Variants in ZHX3 observed in about 807,000 individuals in gnomAD.
ZHX3 encodes the protein zinc fingers and homeoboxes 3, also known as zinc fingers and homeoboxes protein 3.
Under a neutral mutation model 64.5 loss-of-function variants are expected in ZHX3, and 20 were observed. That is an observed-to-expected ratio of 0.31 (90% CI 0.22 to 0.45). The LOEUF is 0.45. Ranked by LOEUF, ZHX3 falls within the 20% of genes least tolerant of loss-of-function variation. The pLI is 1.00. For missense variants in ZHX3, 1,041 were observed against 1,195.8 expected (o/e 0.87, Z 1.91); for synonymous variants, 423 against 461.6 (o/e 0.92, Z 1.07).
intron 1 of ZHX3, chr20:41,272,059 A>G (rs2043172666): frequency 6.6e-6 from 1 of 152,238 alleles, no homozygotes; most frequent in African/African-American, 2.4e-5. Flanking sequence ...TTTTCAAATT[A>G]AATGAAGGAA....
chr20:41,244,504 C>T (rs905351284), intron 2 of ZHX3, among the ~76,000 whole-genome samples: 7 of 152,106 alleles, frequency 4.6e-5, no homozygotes, highest in African/African-American at 1.7e-4. Context: ...GGCCCTGTAT[C>T]TGTTTTTTAA....
chr20:41,231,760 G>A (rs528041341), intron 2 of ZHX3, among the ~76,000 whole-genome samples: 1 of 152,084 alleles, frequency 6.6e-6, no homozygotes, highest in Non-Finnish European at 1.5e-5. Flanking sequence ...TATTCACTTA[G>A]AATCAAATAG....
rs2040695857 is a variant in ZHX3 at position 41,232,684 on chromosome 20, G to A, written c.-150-27618C>T. 6.6e-6 allele frequency among the ~76,000 whole-genome samples: 1 copy of A among 152,060 alleles called. No individual in the cohort carries two copies. The highest frequency in any genetic ancestry group is 2.4e-5 in the African/African-American group (1 of 41,400). On this transcript the variant is annotated intron_variant, in intron 2 of 3. Coordinates refer to ENST00000683867, the MANE Select transcript of ZHX3 (RefSeq NM_001384317.1). This position sits in a 1 kb window ranked among gnomAD's most constrained non-coding sequence, Gnocchi z 5.0. ...GGCTCATTGCAAGCTCCGCCTCCCG[G>A]GTTCACGCCATTCTCCTGCCTCAGC...
intron 1 of ZHX3, among the ~76,000 whole-genome samples, chr20:41,294,174 C>T (rs951011211): frequency 6.6e-6 from 1 of 152,168 alleles, no homozygotes; most frequent in African/African-American, 2.4e-5. Context: ...TATTCCAGGG[C>T]TAGAGGATGC....
intron 2 of ZHX3, among the ~76,000 whole-genome samples, chr20:41,251,287 A>G (rs1475065254): frequency 6.6e-6 from 1 of 152,152 alleles, no homozygotes. Context: ...GTCTTAAAAA[A>G]ATTAAAAATT....
rs1046429056 is a variant in ZHX3 at position 41,203,517 on chromosome 20, G to A, written c.1400C>T (p.Thr467Met). The A allele has an allele frequency of 8.1e-6, 13 of 1,614,054 alleles. No individual in the cohort carries two copies. Among genetic ancestry groups the A allele is most frequent in the Non-Finnish European group, 1.0e-5 (12 of 1,180,010 alleles). ...CGCATTGACCACCTTCACAGCTGACGTTGTATTTGAACACACAGTGTTAAT... is the reference window on the plus strand; with the variant it reads ...CGCATTGACCACCTTCACAGCTGACATTGTATTTGAACACACAGTGTTAAT... ...APINTVCSNT[T>M]SAVKVVNAAQ... The change falls in exon 3 of 4, where the codon ACG becomes ATG. Residue 467 changes from threonine to methionine, a missense_variant. Thr to Met is a moderately conservative substitution (Grantham distance 81). Coordinates refer to ENST00000683867, the MANE Select transcript of ZHX3 (RefSeq NM_001384317.1). This position sits in a 1 kb window ranked among gnomAD's most constrained non-coding sequence, Gnocchi z 7.1.
intron 2 of ZHX3, among the ~76,000 whole-genome samples, chr20:41,250,454 T>C (rs1349166607): frequency 6.6e-6 from 1 of 152,152 alleles, no homozygotes; most frequent in African/African-American, 2.4e-5. Context: ...GAGGCTGAGA[T>C]GGTTTAATCA....
At chr20:41,261,752 G>T (rs1267987090) in intron 2 of ZHX3, among the ~76,000 whole-genome samples, 1 of 152,138 alleles carries the variant, frequency 6.6e-6, no homozygotes, top group Admixed American at 6.6e-5. Context: ...GTACTTGAGG[G>T]ATTTTATCTC....
intron 1 of ZHX3, chr20:41,269,573 A>C (rs1022990547): frequency 2.6e-5 from 3 of 116,414 alleles, no homozygotes; most frequent in African/African-American, 1.4e-4. Context: ...CCCCTATTTC[A>C]TCATGGCACT....
At chr20:41,214,755 G>T (rs1205098009) in intron 2 of ZHX3, among the ~76,000 whole-genome samples, 1 of 152,178 alleles carries the variant, frequency 6.6e-6, no homozygotes, top group Non-Finnish European at 1.5e-5. Context: ...TCATCCAAAA[G>T]ACACTCATGG....
chr20:41,316,550 G>C (rs1298762295), intron 1 of ZHX3, among the ~76,000 whole-genome samples: 3 of 152,166 alleles, frequency 2.0e-5, no homozygotes, highest in African/African-American at 7.2e-5. Context: ...TTAAGGACGT[G>C]TGGACGCCTC....
At chr20:41,237,464 G>C (rs6102317) in intron 2 of ZHX3, among the ~76,000 whole-genome samples, 1 of 152,098 alleles carries the variant, frequency 6.6e-6, no homozygotes, top group Non-Finnish European at 1.5e-5. Context: ...TCCTTTGTAA[G>C]GACATAGATG....
chr20:41,180,942 T>G lies in ZHX3; in HGVS notation c.*4249A>C, dbSNP rs2036228908. Reference sequence around the variant, plus strand: ...GGGTAGATGAGGTTGAAGCCTTGCTTGGGGAAGGGACTTGAGCACAGGAGA... The same window carrying G: ...GGGTAGATGAGGTTGAAGCCTTGCTGGGGGAAGGGACTTGAGCACAGGAGA... On this transcript the variant is annotated 3_prime_UTR_variant, in exon 4 of 4. Transcript: ENST00000683867. 1.3e-5 allele frequency: 2 copies of G among 152,274 alleles called. No homozygotes were observed. The highest frequency in any genetic ancestry group is 4.8e-5 in the African/African-American group (2 of 41,456). 9.4% of individuals were successfully genotyped at this position (152,274 alleles called of 1,614,324 possible).
chr20:41,305,849 G>A (rs1381401367), intron 1 of ZHX3, among the ~76,000 whole-genome samples: 1 of 151,972 alleles, frequency 6.6e-6, no homozygotes, highest in African/African-American at 2.4e-5. Context: ...TAACAGCTCA[G>A]CTCAAAACTC....
chr20:41,214,562 A>G (rs779032621), intron 2 of ZHX3, among the ~76,000 whole-genome samples: 2 of 152,256 alleles, frequency 1.3e-5, no homozygotes, highest in Non-Finnish European at 1.5e-5. Context: ...AAGTTCAAAC[A>G]AATGGCAAAG....
At chr20:41,317,343 C>A (rs2045317507) in intron 1 of ZHX3, among the ~76,000 whole-genome samples, 166 bp downstream of exon 1, 1 of 152,146 alleles carries the variant, frequency 6.6e-6, no homozygotes, top group Non-Finnish European at 1.5e-5. Context: ...AGACCAGGGG[C>A]AGCCGGCGGG....
At chr20:41,245,265 C>G (rs1243797453) in intron 2 of ZHX3, among the ~76,000 whole-genome samples, 1 of 152,228 alleles carries the variant, frequency 6.6e-6, no homozygotes, top group Admixed American at 6.5e-5. Flanking sequence ...TCTTCACAGA[C>G]TGAGGGGACT....
intron 1 of ZHX3, among the ~76,000 whole-genome samples, chr20:41,296,383 A>G (rs1308386786): frequency 6.6e-6 from 1 of 152,052 alleles, no homozygotes; most frequent in East Asian, 1.9e-4. Context: ...TCCAAATACT[A>G]CCTGTCACCA....
At chr20:41,221,596 T>C (rs1258094693) in intron 2 of ZHX3, among the ~76,000 whole-genome samples, 3 of 151,244 alleles carry the variant, frequency 2.0e-5, no homozygotes, top group African/African-American at 7.3e-5. Context: ...AATAAGAAAA[T>C]GAAATTATGT....
Sources: allele counts gnomAD v4.1 joint callset (sites outside exome capture counted in the v4.1 genomes callset), GRCh38; gene constraint gnomAD v4.1.1; non-coding constraint Gnocchi (gnomAD v3.1); transcripts MANE v1.5; gene names NCBI Gene and HGNC (gene_info 2026-07-23, HGNC 2026-07-21).